The following LCN6 variants were observed in gnomAD, a reference collection of about 807,000 sequenced individuals.
The protein encoded by LCN6 is epididymal-specific lipocalin-6.
In LCN6, 20 loss-of-function variants were observed where a neutral mutation model predicts 21.4. The ratio of observed to expected loss-of-function variants is 0.93; its 90% CI spans 0.66 to 1.36. The LOEUF is 1.36. Among genes scored for constraint, LCN6 ranks in the 40% most tolerant of loss-of-function variants. LCN6 has a pLI of 0.00. For synonymous variants in LCN6, 96 were observed against 89.0 expected, an observed-to-expected ratio of 1.08 and a Z score of -0.44; for missense variants, 217 against 206.6, an observed-to-expected ratio of 1.05 and a Z score of -0.31.
Position 136,747,499 on chromosome 9 carries a change from T to A in LCN6, c.155A>T (p.Asp52Val). Residue 52 changes from aspartate to valine, a missense_variant, in exon 2 of 7, where the codon GAC (aspartate) becomes GTC (valine). Coordinates refer to ENST00000341206, the MANE Select transcript of LCN6 (RefSeq NM_198946.3). ...CACCACCCCCACGACGTTCTTCATG[T>A]CCTTCTCCATGGCAAAGCCCTTTTC... ...SREKGFAMEKDMKNVVGVVVT... is the reference protein window; with the variant it reads ...SREKGFAMEKVMKNVVGVVVT... The A allele has an allele frequency of 6.2e-7, 1 of 1,613,662 alleles. No individual in the cohort carries two copies. Among genetic ancestry groups the A allele is most frequent in the Non-Finnish European group, 8.5e-7 (1 of 1,179,886 alleles).
intron 2 of LCN6, among the ~76,000 whole-genome samples, chr9:136,746,560 G>T (rs1847041258): frequency 6.6e-6 from 1 of 152,164 alleles, no homozygotes. Flanking sequence ...AAGCCACGTG[G>T]GAGCTGCCAC....
intron 2 of LCN6, among the ~76,000 whole-genome samples, chr9:136,746,179 A>G (rs926611909): frequency 6.8e-6 from 1 of 147,386 alleles, no homozygotes; most frequent in Non-Finnish European, 1.5e-5. Flanking sequence ...TGAGGACACA[A>G]CAGGAGACTC....
At chr9:136,747,736 C>T (rs1347283869) in intron 1 of LCN6, among the ~76,000 whole-genome samples, 173 bp from the exon 2 acceptor site, 3 of 141,778 alleles carry the variant, frequency 2.1e-5, no homozygotes, top group East Asian at 2.0e-4. Flanking sequence ...GCCTTCCAGC[C>T]CTGCAGCCTC....
At position 136,744,893 on chromosome 9, in the gene LCN6, G is replaced by A. The variant is rs905620409; in HGVS notation, c.413-152C>T. The A allele has an allele frequency of 1.5e-6, 1 of 670,998 alleles. No individual in the cohort carries two copies. 41.6% of individuals were successfully genotyped at this position (670,998 alleles called of 1,614,324 possible). A position where few individuals can be genotyped will look rare whatever the true frequency, so the allele number is the denominator to read the frequency against. On this transcript the variant is annotated intron_variant, in intron 4 of 6. Coordinates refer to ENST00000341206, the MANE Select transcript of LCN6 (RefSeq NM_198946.3). The surrounding 1 kb of genome is among the most constrained non-coding windows in gnomAD (Gnocchi z 4.2). Reference sequence around the variant, plus strand: ...CACCTCCAGTGCAGCGAGCCTCAAGGTGGGGGAACTTGGCCTGCATGTGGT... The same window carrying A: ...CACCTCCAGTGCAGCGAGCCTCAAGATGGGGGAACTTGGCCTGCATGTGGT...
chr9:136,745,562 C>T, intron 3 of LCN6: 1 of 592,440 alleles, frequency 1.7e-6, no homozygotes, highest in South Asian at 2.0e-5. Context: ...TCACACCAGC[C>T]CAGCCCTGTA....
intron 3 of LCN6, chr9:136,745,522 T>C (rs1847025882): frequency 1.8e-6 from 1 of 561,646 alleles, no homozygotes; most frequent in South Asian, 2.0e-5. Context: ...TGCCCCAGCC[T>C]GTCCCAGGTG....
intron 1 of LCN6, among the ~76,000 whole-genome samples, chr9:136,748,021 C>T: frequency 6.7e-6 from 1 of 148,164 alleles, no homozygotes; most frequent in East Asian, 2.0e-4. Context: ...AGTTCTGCAG[C>T]CCTCCAGCCT....
intron 1 of LCN6, 98 bp from the exon 2 acceptor site, chr9:136,747,661 GCCTCAGCCTCCAC>G: frequency 1.1e-6 from 1 of 880,842 alleles, no homozygotes; most frequent in Non-Finnish European, 1.5e-6. Flanking sequence ...CAAACCTCCA[GCCTCAGCCTCCAC>G]CCTCCAACCA....
At chr9:136,745,688 T>C (rs1847027996) in intron 3 of LCN6, 156 bp downstream of exon 3, 1 of 709,066 alleles carries the variant, frequency 1.4e-6, no homozygotes, top group Non-Finnish European at 2.5e-6. Flanking sequence ...GTCCAGGGGC[T>C]TCTCTTCACC....
intron 1 of LCN6, 139 bp from the exon 2 acceptor site, chr9:136,747,702 CAG>C: frequency 9.0e-7 from 1 of 1,109,378 alleles, no homozygotes; most frequent in Non-Finnish European, 1.3e-6. Context: ...CTCCAGCCTC[CAG>C]CCTCCAACCC....
Position 136,745,153 on chromosome 9 carries a change from C to T in LCN6, c.412+17G>A, listed in dbSNP as rs117572243. ...CACCACACAGCTCCCTACGTGGGCC[C>T]CGCACAGCACACTTACTGTACAGCT... On this transcript the variant is annotated intron_variant, in intron 4 of 6. Transcript: ENST00000341206. The T allele has an allele frequency of 0.014, 22,176 of 1,531,614 alleles. 226 individuals are homozygous for T. Among genetic ancestry groups the T allele is most frequent in the South Asian group, 0.019 (1,689 of 89,594 alleles). 94.9% of individuals were successfully genotyped at this position (1,531,614 alleles called of 1,614,324 possible).
chr9:136,745,832 C>T lies in LCN6; in HGVS notation c.301+12G>A, dbSNP rs761687668. 4.8e-5 allele frequency: 77 copies of T among 1,612,266 alleles called. No homozygotes were observed. The highest frequency in any genetic ancestry group is 5.9e-5 in the Non-Finnish European group (70 of 1,178,756). On this transcript the variant is annotated intron_variant, in intron 3 of 6. Coordinates refer to ENST00000341206, the MANE Select transcript of LCN6 (RefSeq NM_198946.3). The stretch of plus-strand genomic sequence containing the variant: ...AGAACGGCCTGGGTGAGGCCGTGGC[C>T]GTCAGACTCACAGGGATTCTCAAAC...
At chr9:136,745,308 G>T in intron 3 of LCN6, 28 bp from the exon 4 acceptor site, 1 of 1,509,028 alleles carries the variant, frequency 6.6e-7, no homozygotes, top group Non-Finnish European at 9.2e-7. Context: ...CCGCCTCAGG[G>T]GAGGGCAGCT....
Position 136,744,630 on chromosome 9 carries a change from G to A in LCN6, c.*22+10C>T, listed in dbSNP as rs1214815613. The A allele has an allele frequency of 6.4e-7, 1 of 1,564,916 alleles. No homozygotes were observed. The highest frequency in any genetic ancestry group is 2.3e-5 in the East Asian group (1 of 43,980). ...AAGCCTCCCCCGAGGCTGCTCCGGT[G>A]GACACTCACGGTCCTTCTGCAGCTG... On this transcript the variant is annotated intron_variant, in intron 5 of 6. Transcript: ENST00000341206. The surrounding 1 kb of genome is among the most constrained non-coding windows in gnomAD (Gnocchi z 4.2).
rs150825099 is a variant in LCN6 at position 136,747,426 on chromosome 9, G to C, written c.228C>G (p.His76Gln). The C allele has an allele frequency of 1.2e-6, 2 of 1,612,698 alleles. No individual in the cohort carries two copies. The highest frequency in any genetic ancestry group is 2.2e-5 in the South Asian group (2 of 91,068). Residue 76 changes from histidine (H) to glutamine (Q), a missense_variant and splice_region_variant, in exon 2 of 7, where the codon CAC becomes CAG. By Grantham distance (24) the His-to-Gln change is conservative (BLOSUM62 0). Transcript: ENST00000341206. ...CCTGGCAGGACCCGCCCACTCACCC[G>C]TGCTGAGAGGACAGCGTCCGCAGGT... ...ENNLRTLSSQ[H>Q]GLGGCDQSVM... is the part of the protein sequence containing the mutation.
At position 136,745,072 on chromosome 9, in the gene LCN6, C is replaced by G. The variant is rs1379528170; in HGVS notation, c.412+98G>C. ...ACTCACCACACAGCTCCCCACGCGG[C>G]CCCCAAGCGGCCCACGCACCACACA... On this transcript the variant is annotated intron_variant, in intron 4 of 6. Coordinates refer to ENST00000341206, the MANE Select transcript of LCN6 (RefSeq NM_198946.3). The G allele has an allele frequency of 4.6e-5, 45 of 971,574 alleles. No homozygotes were observed. The African/African-American group carries it at 7.1e-4, about 15-fold the overall frequency. 60.2% of individuals were successfully genotyped at this position (971,574 alleles called of 1,614,324 possible). A position where few individuals can be genotyped will look rare whatever the true frequency, so the allele number is the denominator to read the frequency against.
chr9:136,748,069 T>A (rs1184010991), intron 1 of LCN6, among the ~76,000 whole-genome samples: 1 of 136,838 alleles, frequency 7.3e-6, no homozygotes, highest in Non-Finnish European at 1.5e-5. Flanking sequence ...CCCTCCAGCC[T>A]CCAGCCCAGC....
Position 136,747,191 on chromosome 9 carries a change from GC to G in LCN6, c.230+232del, listed in dbSNP as rs569920979. ...AAGGAGCATAGTCAGAGCAGTGCCCGCCGCGGTATTGAAGGTGGGAGTGCCA... is the reference window on the plus strand; with the variant it reads ...AAGGAGCATAGTCAGAGCAGTGCCCGCGCGGTATTGAAGGTGGGAGTGCCA... On this transcript the variant is annotated intron_variant, in intron 2 of 6. Transcript: ENST00000341206. 2.4e-3 allele frequency among the ~76,000 whole-genome samples: 370 copies of G among 152,222 alleles called. 1 individual carries two copies. The highest frequency in any genetic ancestry group is 8.7e-3 in the African/African-American group (361 of 41,520).
In LCN6 at chr9:136,747,583, G is replaced by C. The variant is rs372555477; in HGVS notation, c.91-20C>G. 2 of 1,603,594 alleles carry C rather than the reference G, an allele frequency of 1.2e-6. No homozygotes were observed. Among genetic ancestry groups the C allele is most frequent in the Non-Finnish European group, 1.7e-6 (2 of 1,179,070 alleles). ...AAGAAGCTGCATTGAGGCGGCTCCC[G>C]TTAGGGCCGCCAGCCCTCCAGCCTC... On this transcript the variant is annotated intron_variant, in intron 1 of 6. Transcript: ENST00000341206.
Sources: gnomAD v4.1 joint callset for allele counts (sites outside exome capture counted in the v4.1 genomes callset) on GRCh38, gnomAD v4.1.1 for gene constraint, Gnocchi (gnomAD v3.1) non-coding constraint, MANE v1.5 for transcripts, NCBI Gene and HGNC (gene_info 2026-07-23, HGNC 2026-07-21) for gene names.